Variants in JAKMIP2 observed in about 807,000 individuals in gnomAD.
JAKMIP2 encodes janus kinase and microtubule interacting protein 2.
In JAKMIP2, 25 loss-of-function variants were observed where a neutral mutation model predicts 115.0. That is an observed-to-expected ratio of 0.22 (90% CI 0.16 to 0.30). The LOEUF is 0.30. Among genes scored for constraint, JAKMIP2 ranks in the 10% least tolerant of loss-of-function variants. The probability of loss-of-function intolerance (pLI) is 1.00; values close to 1 mark genes in which losing one functional copy is unlikely to be tolerated. For synonymous variants in JAKMIP2, 334 were observed against 343.6 expected (o/e 0.97, Z 0.31); for missense variants, 642 against 957.6 (o/e 0.67, Z 4.35).
At chr5:147,698,325 G>A (rs910810069) in intron 1 of JAKMIP2, among the ~76,000 whole-genome samples, 1 of 152,192 alleles carries the variant, frequency 6.6e-6, no homozygotes, top group Non-Finnish European at 1.5e-5. Context: ...ATAGGCAGAA[G>A]AGACTTGCCT....
chr5:147,715,226 A>C (rs940165463), intron 1 of JAKMIP2, among the ~76,000 whole-genome samples: 1 of 152,080 alleles, frequency 6.6e-6, no homozygotes, highest in South Asian at 2.1e-4. Flanking sequence ...TAAATCAATA[A>C]AGGAACGAGG....
chr5:147,761,847 GTAAT>G (rs1447302609), intron 1 of JAKMIP2, among the ~76,000 whole-genome samples: 1 of 152,060 alleles, frequency 6.6e-6, no homozygotes, highest in Non-Finnish European at 1.5e-5. Context: ...AATAATAAAA[GTAAT>G]TAAACATTTA....
chr5:147,707,739 T>C (rs996120233), intron 1 of JAKMIP2, among the ~76,000 whole-genome samples: 1 of 152,190 alleles, frequency 6.6e-6, no homozygotes, highest in East Asian at 1.9e-4. Context: ...ACAGTGGGTT[T>C]TGATACTAAA....
chr5:147,739,936 A>G (rs934153792), intron 1 of JAKMIP2, among the ~76,000 whole-genome samples: 1 of 152,216 alleles, frequency 6.6e-6, no homozygotes, highest in Non-Finnish European at 1.5e-5. Context: ...GACTATGTCT[A>G]GTATGCACAT....
Position 147,648,409 on chromosome 5 carries a change from C to T in JAKMIP2, c.903G>A (p.Arg301=), listed in dbSNP as rs755422824. 6.2e-7 allele frequency: 1 copy of T among 1,609,412 alleles called. No individual in the cohort carries two copies. Among genetic ancestry groups the T allele is most frequent in the Non-Finnish European group, 8.5e-7 (1 of 1,176,394 alleles). The change falls in exon 5 of 22, where the codon AGG becomes AGA. Residue 301 remains arginine (R), a synonymous_variant. Transcript: ENST00000616793. The stretch of plus-strand genomic sequence containing the variant: ...TTCGTTCATCTCCAAGCAAGGTATT[C>T]CTGTCTTCTAATTTTCTTATAGTGG... The part of the protein sequence containing the change: ...LNATIRKLED[R]NTLLGDERNE...
intron 1 of JAKMIP2, among the ~76,000 whole-genome samples, chr5:147,781,636 G>T (rs1328455088): frequency 6.6e-6 from 1 of 152,108 alleles, no homozygotes; most frequent in Admixed American, 6.5e-5. Context: ...GTTCCAATCG[G>T]TCACAATGAA....
At chr5:147,626,877 T>G (rs139981583) in intron 16 of JAKMIP2, among the ~76,000 whole-genome samples, 1 of 152,268 alleles carries the variant, frequency 6.6e-6, no homozygotes, top group East Asian at 1.9e-4. Flanking sequence ...ATTGCAGCCC[T>G]TCATGATTCC....
At chr5:147,616,510 G>A (rs1756590076) in intron 19 of JAKMIP2, among the ~76,000 whole-genome samples, 2 of 152,204 alleles carry the variant, frequency 1.3e-5, no homozygotes, top group African/African-American at 2.4e-5. Context: ...AGATAACTAT[G>A]AGTCCATCTT....
At chr5:147,706,031 G>A (rs1482775761) in intron 1 of JAKMIP2, among the ~76,000 whole-genome samples, 1 of 152,148 alleles carries the variant, frequency 6.6e-6, no homozygotes, top group Non-Finnish European at 1.5e-5. Context: ...TTGAACATGT[G>A]TGAAATGATT....
Position 147,642,662 on chromosome 5 carries a change from C to CT in JAKMIP2, c.1225-899dup, listed in dbSNP as rs200386795. Among the ~76,000 whole-genome samples, 922 of 140,958 alleles carry CT rather than the reference C, an allele frequency of 6.5e-3. 42 individuals carry two copies. In the East Asian group the frequency reaches 0.12, roughly 18 times the overall value. The allele number at this position is 140,958 out of a possible 152,430, so 92.5% of individuals were successfully genotyped here. A position where few individuals can be genotyped will look rare whatever the true frequency, so the allele number is the denominator to read the frequency against. On this transcript the variant is annotated intron_variant, in intron 7 of 21. Transcript: ENST00000616793. ...CTTGTTTAAGCCAGTGGTGTTCGGG[C>CT]TTTTTTTTTTTCACCTTTATAAGTA...
chr5:147,754,414 C>A (rs138426602), intron 1 of JAKMIP2, among the ~76,000 whole-genome samples: 2 of 151,982 alleles, frequency 1.3e-5, no homozygotes, highest in Non-Finnish European at 2.9e-5. Context: ...AATAATATAT[C>A]GAGACACATG....
intron 15 of JAKMIP2, 100 bp downstream of exon 15, chr5:147,629,575 ACATCCTTAAGTGAAATGG>A: frequency 1.5e-6 from 1 of 665,290 alleles, no homozygotes; most frequent in Non-Finnish European, 2.6e-6. Context: ...CCAAGGAGCA[ACATCCTTAAGTGAAATGG>A]CATCTCACTT....
intron 1 of JAKMIP2, among the ~76,000 whole-genome samples, chr5:147,729,191 C>G (rs1753629198): frequency 3.3e-5 from 5 of 152,126 alleles, no homozygotes; most frequent in Admixed American, 3.3e-4. Context: ...TGGCTGACAT[C>G]AGTTTTTGTC....
At chr5:147,660,426 A>G in intron 3 of JAKMIP2, 1 of 450,194 alleles carries the variant, frequency 2.2e-6, no homozygotes, top group African/African-American at 2.0e-5. Flanking sequence ...ATGACTAGGG[A>G]TTTTATCATT....
rs189015246 is a variant in JAKMIP2 at position 147,591,529 on chromosome 5, A to G, written c.*178T>C. ...GGTTGTGTAGGAACTGTCAAGTAAG[A>G]AACCTTGAATAATGGCTTTAAAATA... On this transcript the variant is annotated 3_prime_UTR_variant, in exon 22 of 22. Transcript: ENST00000616793. The G allele has an allele frequency of 1.4e-4, 105 of 729,750 alleles. No individual in the cohort carries two copies. The East Asian group carries it at 2.5e-3, about 18-fold the overall frequency. The allele number at this position is 729,750 out of a possible 1,614,324, so 45.2% of individuals were successfully genotyped here.
chr5:147,758,482 A>G lies in JAKMIP2; in HGVS notation c.-149+23974T>C, dbSNP rs371158503. Among the ~76,000 whole-genome samples the G allele has an allele frequency of 4.6e-5, 7 of 152,318 alleles. No homozygotes were observed. In the South Asian group the frequency reaches 1.0e-3, roughly 23 times the overall value. ...CTTCAGGCTGTTTAATGAGTTAACT[A>G]TGACCTTCAAATCATAGAACAAAAC... On this transcript the variant is annotated intron_variant, in intron 1 of 21. Transcript: ENST00000616793.
intron 1 of JAKMIP2, among the ~76,000 whole-genome samples, chr5:147,750,045 G>A (rs1018133631): frequency 2.0e-5 from 3 of 152,258 alleles, no homozygotes; most frequent in Non-Finnish European, 2.9e-5. Flanking sequence ...TACATGGTTA[G>A]CACTCAGCAA....
At position 147,599,653 on chromosome 5, in the gene JAKMIP2, G is replaced by C. The variant is rs1755594061; in HGVS notation, c.*20+2088C>G. ...TGTAATTTCAAAAGCCAGTAGCTAA[G>C]TAGTACTATACAAATAGATGACGCT... is the stretch of plus-strand genomic sequence containing the variant. On this transcript the variant is annotated intron_variant, in intron 21 of 21. Coordinates refer to ENST00000616793, the MANE Select transcript of JAKMIP2 (RefSeq NM_001270941.2). Among the ~76,000 whole-genome samples the C allele has an allele frequency of 2.0e-5, 3 of 152,176 alleles. No individual in the cohort carries two copies. In the South Asian group the frequency reaches 6.2e-4, roughly 32 times the overall value.
intron 1 of JAKMIP2, among the ~76,000 whole-genome samples, chr5:147,732,156 C>G (rs1440734014): frequency 6.6e-6 from 1 of 152,170 alleles, no homozygotes; most frequent in Admixed American, 6.5e-5. Flanking sequence ...TAAATACAGA[C>G]TCCCGGTTTG....
Sources: gnomAD v4.1 joint callset for allele counts (sites outside exome capture counted in the v4.1 genomes callset) on GRCh38, gnomAD v4.1.1 for gene constraint, MANE v1.5 for transcripts, NCBI Gene and HGNC (gene_info 2026-07-23, HGNC 2026-07-21) for gene names.